PAPPA2: variants seen among roughly 807,000 people sequenced by gnomAD.
PAPPA2 encodes pappalysin-2.
In PAPPA2, 86 loss-of-function variants were observed where a neutral mutation model predicts 176.4. The ratio of observed to expected loss-of-function variants is 0.49; its 90% CI spans 0.41 to 0.58. The LOEUF (loss-of-function observed/expected upper bound fraction) is 0.58, where lower values mean the gene tolerates loss of function less well. Ranked by LOEUF, PAPPA2 falls within the 20% of genes least tolerant of loss-of-function variation. The probability of loss-of-function intolerance (pLI) is 0.00; values close to 1 mark genes in which losing one functional copy is unlikely to be tolerated. For missense variants in PAPPA2, 2,073 were observed against 2,256.9 expected, an observed-to-expected ratio of 0.92 and a Z score of 1.65; for synonymous variants, 809 against 852.2, an observed-to-expected ratio of 0.95 and a Z score of 0.88.
chr1:176,469,850 G>A (rs572612586), intron 1 of PAPPA2, among the ~76,000 whole-genome samples: 16 of 152,278 alleles, frequency 1.1e-4, no homozygotes, highest in African/African-American at 3.9e-4. Context: ...CCACAAGCAC[G>A]TGGTTCCCTG....
chr1:176,837,556 A>G (rs2102990348), intron 21 of PAPPA2, among the ~76,000 whole-genome samples: 1 of 152,236 alleles, frequency 6.6e-6, no homozygotes, highest in South Asian at 2.1e-4. Context: ...AAAAATTTAA[A>G]AAGTGACCCT....
chr1:176,652,040 AT>A (rs1657754575), intron 3 of PAPPA2, among the ~76,000 whole-genome samples: 2 of 150,818 alleles, frequency 1.3e-5, no homozygotes, highest in African/African-American at 4.9e-5. Flanking sequence ...AAATTTCTGA[AT>A]TTTTTTCTGT....
At chr1:176,624,079 G>A (rs185840461) in intron 3 of PAPPA2, among the ~76,000 whole-genome samples, 52 of 152,132 alleles carry the variant, frequency 3.4e-4, no homozygotes, top group African/African-American at 1.0e-3. Flanking sequence ...TACAGGGAAC[G>A]GATGAGATAG....
At chr1:176,743,606 C>T (rs924907211) in intron 14 of PAPPA2, among the ~76,000 whole-genome samples, 5 of 152,102 alleles carry the variant, frequency 3.3e-5, no homozygotes, top group African/African-American at 1.2e-4. Flanking sequence ...GAAGTGGAAA[C>T]TATCTATTTT....
intron 4 of PAPPA2, among the ~76,000 whole-genome samples, chr1:176,678,879 TA>T (rs1014348472): frequency 1.3e-5 from 2 of 152,096 alleles, no homozygotes; most frequent in South Asian, 2.1e-4. Context: ...TAAAATAAAC[TA>T]AAAAAATATA....
chr1:176,468,369 C>T (rs1651720863), intron 1 of PAPPA2, among the ~76,000 whole-genome samples: 1 of 152,142 alleles, frequency 6.6e-6, no homozygotes, highest in Non-Finnish European at 1.5e-5. Flanking sequence ...TAGGTCCACC[C>T]AAAACTAGGG....
chr1:176,529,660 C>G (rs1474835492), intron 1 of PAPPA2, among the ~76,000 whole-genome samples: 1 of 152,218 alleles, frequency 6.6e-6, no homozygotes, highest in Non-Finnish European at 1.5e-5. Flanking sequence ...CAAATGTGCC[C>G]TGACGTTGCA....
intron 3 of PAPPA2, among the ~76,000 whole-genome samples, chr1:176,644,156 G>T (rs985422995): frequency 1.3e-5 from 2 of 151,966 alleles, no homozygotes; most frequent in Admixed American, 1.3e-4. Context: ...GGAGGCTTGT[G>T]TACTGAATAT....
In PAPPA2 at chr1:176,595,063, G is replaced by C. The variant is rs1653888271; in HGVS notation, c.1459G>C (p.Glu487Gln). ...TGAGGTTCTCCAGGGCTTTGAGCCA[G>C]AGCCTGAGATTCTGTCGCCTTTGCA... ...RLEVLQGFEP[E>Q]PEILSPLQPP... The change falls in exon 3 of 23, where the codon GAG becomes CAG. Residue 487 changes from glutamate (E) to glutamine (Q), a missense_variant. Physicochemically the swap from Glu to Gln is conservative, Grantham distance 29 (BLOSUM62 2). Coordinates refer to ENST00000367662, the MANE Select transcript of PAPPA2 (RefSeq NM_020318.3). 1.2e-6 allele frequency: 2 copies of C among 1,614,056 alleles called. No homozygotes were observed. The highest frequency in any genetic ancestry group is 2.2e-5 in the South Asian group (2 of 91,090).
chr1:176,676,676 T>A (rs768960262), intron 4 of PAPPA2, among the ~76,000 whole-genome samples: 1 of 151,890 alleles, frequency 6.6e-6, no homozygotes, highest in South Asian at 2.1e-4. Context: ...CAGTTCAGTA[T>A]CTTGACTGTG....
intron 2 of PAPPA2, among the ~76,000 whole-genome samples, chr1:176,567,468 C>T (rs923910609): frequency 8.5e-5 from 13 of 152,220 alleles, no homozygotes; most frequent in African/African-American, 2.9e-4. Flanking sequence ...CAAGTGGTGA[C>T]TCAGCATTTG....
chr1:176,690,248 A>G lies in PAPPA2; in HGVS notation c.2249A>G (p.Glu750Gly). Reference protein sequence around the residue: ...GLYHVFKGVSERESCNDPCKE... With the variant: ...GLYHVFKGVSGRESCNDPCKE... The stretch of plus-strand genomic sequence containing the variant: ...TACCATGTCTTTAAAGGAGTCAGTG[A>G]AAGAGAATCCTGCAATGACCCCTGC... The change falls in exon 5 of 23, where the codon GAA becomes GGA. Residue 750 changes from glutamate (E) to glycine (G), a missense_variant. Glu to Gly is a moderately conservative substitution (Grantham distance 98). This residue lies in a region of PAPPA2 where 1,196 missense variants were observed against 1,330.4 expected (regional missense o/e 0.90). Coordinates refer to ENST00000367662, the MANE Select transcript of PAPPA2 (RefSeq NM_020318.3). 1 of 1,614,106 alleles carries G rather than the reference A, an allele frequency of 6.2e-7. No individual in the cohort carries two copies. Among genetic ancestry groups the G allele is most frequent in the Non-Finnish European group, 8.5e-7 (1 of 1,179,986 alleles).
Position 176,483,620 on chromosome 1 carries a change from G to A in PAPPA2, c.-917+20202G>A, listed in dbSNP as rs184442763. 1.3e-3 allele frequency among the ~76,000 whole-genome samples: 202 copies of A among 152,066 alleles called. 1 individual carries two copies. The highest frequency in any genetic ancestry group is 9.6e-3 in the Admixed American group (147 of 15,274). On this transcript the variant is annotated intron_variant, in intron 1 of 22. Transcript: ENST00000367662. ...TGAGTAGCTGGGAACACATGTGCCT[G>A]CCACCACGCCCAGCTAATTTTTGTA...
chr1:176,837,048 A>G (rs560353727), intron 21 of PAPPA2, among the ~76,000 whole-genome samples: 1 of 152,300 alleles, frequency 6.6e-6, no homozygotes, highest in South Asian at 2.1e-4. Flanking sequence ...CAGATTATAT[A>G]ACAGGCAGAA....
intron 21 of PAPPA2, among the ~76,000 whole-genome samples, chr1:176,836,172 G>A (rs528615081): frequency 1.1e-4 from 16 of 152,130 alleles, no homozygotes; most frequent in Admixed American, 2.0e-4. Context: ...AGCTTCTTTG[G>A]GGCCTGATAG....
At chr1:176,793,773 A>G (rs1159572873) in intron 20 of PAPPA2, 104 bp downstream of exon 20, 5 of 783,248 alleles carry the variant, frequency 6.4e-6, no homozygotes, top group African/African-American at 3.6e-5. Context: ...AGCATCCTCA[A>G]AGCAAACAAC....
At chr1:176,651,827 C>T (rs1461484591) in intron 3 of PAPPA2, among the ~76,000 whole-genome samples, 3 of 151,310 alleles carry the variant, frequency 2.0e-5, no homozygotes, top group African/African-American at 7.3e-5. Flanking sequence ...TTCATTTCTT[C>T]ATTCTTTTTT....
At chr1:176,664,788 G>A (rs929268141) in intron 3 of PAPPA2, among the ~76,000 whole-genome samples, 6 of 152,112 alleles carry the variant, frequency 3.9e-5, no homozygotes, top group African/African-American at 1.4e-4. Context: ...ATTAGCAAAC[G>A]TGAGTTAATG....
chr1:176,781,262 C>T (rs983194569), intron 17 of PAPPA2, among the ~76,000 whole-genome samples: 4 of 143,422 alleles, frequency 2.8e-5, no homozygotes, highest in Admixed American at 7.1e-5. Context: ...AAGTGAGGGG[C>T]GGGACATGGA....
Sources: allele counts gnomAD v4.1 joint callset (sites outside exome capture counted in the v4.1 genomes callset), GRCh38; gene constraint gnomAD v4.1.1; regional missense constraint gnomAD v4.1.1; transcripts MANE v1.5; gene names NCBI Gene and HGNC (gene_info 2026-07-23, HGNC 2026-07-21).